Variants in TMTC2 observed in about 807,000 individuals in gnomAD.
The protein encoded by TMTC2 is transmembrane O-mannosyltransferase targeting cadherins 2.
A neutral mutation model predicts 82.4 loss-of-function variants in TMTC2; 43 were observed. That is an observed-to-expected ratio of 0.52 (90% CI 0.41 to 0.67). The LOEUF is 0.67. Ranked by LOEUF, TMTC2 falls within the 30% of genes least tolerant of loss-of-function variation. The pLI is 0.00. For missense variants in TMTC2, 919 were observed against 1,012.4 expected (o/e 0.91, Z 1.25); for synonymous variants, 408 against 381.9 (o/e 1.07, Z -0.80).
At chr12:83,114,548 C>G (rs1196926214) in intron 11 of TMTC2, among the ~76,000 whole-genome samples, 2 of 152,154 alleles carry the variant, frequency 1.3e-5, no homozygotes, top group African/African-American at 4.8e-5. Context: ...TTTGATGTCT[C>G]TCATATCCTC....
At chr12:83,001,127 T>G (rs761869442) in intron 8 of TMTC2, among the ~76,000 whole-genome samples, 5 of 152,136 alleles carry the variant, frequency 3.3e-5, no homozygotes, top group Admixed American at 2.0e-4. Flanking sequence ...CCTGAAGACA[T>G]TTTTCCCATT....
intron 1 of TMTC2, chr12:82,760,980 A>G (rs1876597279): frequency 5.6e-6 from 1 of 177,968 alleles, no homozygotes. Flanking sequence ...ATGTAATAAT[A>G]ATAAAGTACA....
At chr12:83,052,542 T>A (rs900034221) in intron 10 of TMTC2, among the ~76,000 whole-genome samples, 5 of 152,120 alleles carry the variant, frequency 3.3e-5, no homozygotes, top group African/African-American at 1.2e-4. Flanking sequence ...TTGTTCCTCA[T>A]GAATAAAACA....
chr12:83,022,024 G>T (rs904244026), intron 8 of TMTC2: 1 of 151,610 alleles, frequency 6.6e-6, no homozygotes, highest in Non-Finnish European at 1.5e-5. Context: ...ACCCTTTCTT[G>T]GTTAACACCT....
chr12:82,730,042 C>T (rs1211225355), intron 1 of TMTC2, among the ~76,000 whole-genome samples: 1 of 152,076 alleles, frequency 6.6e-6, no homozygotes, highest in Non-Finnish European at 1.5e-5. Flanking sequence ...CATATCTGAA[C>T]ATCAGAAGGA....
chr12:82,718,492 A>C (rs1379474403), intron 1 of TMTC2, among the ~76,000 whole-genome samples: 1 of 152,198 alleles, frequency 6.6e-6, no homozygotes, highest in Non-Finnish European at 1.5e-5. Flanking sequence ...TCATGGCCAC[A>C]AATCTATTAA....
intron 11 of TMTC2, among the ~76,000 whole-genome samples, chr12:83,106,298 G>A (rs866935401): frequency 3.3e-5 from 5 of 152,146 alleles, no homozygotes; most frequent in African/African-American, 1.2e-4. Context: ...TCAGGCGTTC[G>A]AGACCAGCCT....
At chr12:82,816,567 G>A (rs1217769265) in intron 1 of TMTC2, among the ~76,000 whole-genome samples, 1 of 152,008 alleles carries the variant, frequency 6.6e-6, no homozygotes, top group African/African-American at 2.4e-5. Flanking sequence ...TAGAATATGT[G>A]TTTGCTATAT....
Position 82,896,092 on chromosome 12 carries a change from A to G in TMTC2, c.929A>G (p.Asn310Ser), listed in dbSNP as rs1873661987. 1 of 1,613,840 alleles carries G rather than the reference A, an allele frequency of 6.2e-7. No individual in the cohort carries two copies. Among genetic ancestry groups the G allele is most frequent in the Non-Finnish European group, 8.5e-7 (1 of 1,180,010 alleles). The change falls in exon 3 of 12, where the codon AAC becomes AGC. Residue 310 changes from asparagine (N) to serine (S), a missense_variant. Asn to Ser is a conservative substitution (Grantham distance 46). Transcript: ENST00000321196. ...PLLKTVCDWR[N>S]LHTVAFYTGL... is the part of the protein sequence containing the mutation. The stretch of plus-strand genomic sequence containing the variant: ...CTCAAAACAGTTTGTGACTGGAGAA[A>G]CCTACACACTGTGGCCTTCTATACT...
At chr12:82,855,063 A>G (rs993892269) in intron 1 of TMTC2, among the ~76,000 whole-genome samples, 3 of 152,248 alleles carry the variant, frequency 2.0e-5, no homozygotes, top group Admixed American at 2.0e-4. Flanking sequence ...TATATAGAAG[A>G]CAAATGAACA....
At chr12:82,903,451 G>A (rs1249225358) in intron 3 of TMTC2, among the ~76,000 whole-genome samples, 5 of 151,966 alleles carry the variant, frequency 3.3e-5, no homozygotes, top group Admixed American at 1.3e-4. Context: ...TCGCTCTGTC[G>A]CCCAGGCTGG....
At chr12:82,699,575 A>G (rs1486589238) in intron 1 of TMTC2, among the ~76,000 whole-genome samples, 3 of 152,192 alleles carry the variant, frequency 2.0e-5, no homozygotes, top group East Asian at 3.9e-4. Flanking sequence ...GCTGTTTGTC[A>G]GATGAGCTGC....
chr12:82,743,435 A>G (rs2136956363), intron 1 of TMTC2, among the ~76,000 whole-genome samples: 1 of 150,326 alleles, frequency 6.7e-6, no homozygotes, highest in African/African-American at 2.4e-5. Context: ...CTACAGAGCG[A>G]GACTCCGTCT....
intron 4 of TMTC2, among the ~76,000 whole-genome samples, chr12:82,934,368 A>G (rs1243994908): frequency 6.6e-6 from 1 of 151,962 alleles, no homozygotes; most frequent in Non-Finnish European, 1.5e-5. Context: ...TCCTAATGCT[A>G]TCCCTCCCCT....
intron 3 of TMTC2, among the ~76,000 whole-genome samples, chr12:82,905,087 T>C (rs1190961539): frequency 1.3e-5 from 2 of 152,096 alleles, no homozygotes; most frequent in African/African-American, 4.8e-5. Flanking sequence ...CAATTGAATT[T>C]CTAAGTTATG....
chr12:82,850,545 G>A (rs955249415), intron 1 of TMTC2, among the ~76,000 whole-genome samples: 1 of 152,052 alleles, frequency 6.6e-6, no homozygotes, highest in African/African-American at 2.4e-5. Context: ...GTCAGGCGAT[G>A]GGACCAGGAG....
chr12:82,884,421 A>C (rs1335346233), intron 2 of TMTC2, among the ~76,000 whole-genome samples: 1 of 152,200 alleles, frequency 6.6e-6, no homozygotes, highest in Non-Finnish European at 1.5e-5. Flanking sequence ...AGTTATCCTG[A>C]ATTTTACTTC....
At chr12:83,119,614 C>CT (rs1884883664) in intron 11 of TMTC2, among the ~76,000 whole-genome samples, 1 of 152,040 alleles carries the variant, frequency 6.6e-6, no homozygotes, top group African/African-American at 2.4e-5. Flanking sequence ...ACAATGTATT[C>CT]TGTGGTTGTT....
chr12:82,754,581 A>G (rs1317434475), intron 1 of TMTC2, among the ~76,000 whole-genome samples: 2 of 152,018 alleles, frequency 1.3e-5, no homozygotes, highest in Non-Finnish European at 2.9e-5. Context: ...CTAAAACGGT[A>G]CAAAAATTGG....
Sources: allele counts gnomAD v4.1 joint callset (sites outside exome capture counted in the v4.1 genomes callset), GRCh38; gene constraint gnomAD v4.1.1; transcripts MANE v1.5; gene names NCBI Gene and HGNC (gene_info 2026-07-23, HGNC 2026-07-21).